DNAAF5: variants seen among roughly 807,000 people sequenced by gnomAD.
DNAAF5 encodes the protein HEAT repeat containing 2.
A neutral mutation model predicts 75.8 loss-of-function variants in DNAAF5; 64 were observed. That is an observed-to-expected ratio of 0.84 (90% CI 0.69 to 1.04). DNAAF5 has a LOEUF of 1.04. Among genes scored for constraint, DNAAF5 ranks in the 50% least tolerant of loss-of-function variants. DNAAF5 has a pLI of 0.00. For missense variants in DNAAF5, 1,269 were observed against 1,178.5 expected (o/e 1.08, Z -1.12); for synonymous variants, 657 against 557.2 (o/e 1.18, Z -2.52).
At chr7:776,311 G>C (rs964261898) in intron 11 of DNAAF5, among the ~76,000 whole-genome samples, 2 of 152,132 alleles carry the variant, frequency 1.3e-5, no homozygotes, top group East Asian at 3.8e-4. Flanking sequence ...ACTCCAGCCT[G>C]GGTGACAGAG....
intron 2 of DNAAF5, among the ~76,000 whole-genome samples, chr7:738,262 T>A (rs1011054968): frequency 6.6e-6 from 1 of 152,220 alleles, no homozygotes; most frequent in Non-Finnish European, 1.5e-5. Context: ...TTCTGCTTGA[T>A]GCTTTTTAAT....
chr7:750,539 A>C (rs1396109949), intron 4 of DNAAF5, among the ~76,000 whole-genome samples: 1 of 152,208 alleles, frequency 6.6e-6, no homozygotes, highest in East Asian at 1.9e-4. Flanking sequence ...CATAAGGAGC[A>C]CGTAACCCAG....
At chr7:780,683 G>A (rs561474781) in intron 12 of DNAAF5, among the ~76,000 whole-genome samples, 26 of 152,298 alleles carry the variant, frequency 1.7e-4, no homozygotes, top group African/African-American at 6.0e-4. Flanking sequence ...TCAATACCAC[G>A]CCAACAGCGA....
Position 741,456 on chromosome 7 carries a change from C to T in DNAAF5, c.1015C>T (p.Pro339Ser), listed in dbSNP as rs1186754208. The T allele has an allele frequency of 7.3e-6, 10 of 1,369,768 alleles. No individual in the cohort carries two copies. The highest frequency in any genetic ancestry group is 1.4e-5 in the African/African-American group (1 of 69,458). The allele number at this position is 1,369,768 out of a possible 1,614,324, so 84.9% of individuals were successfully genotyped here. ...TGCCCCTCCCACCCCACCCCATTAC[C>T]CTCCACATGGTGAGTGACCGCGGCA... ...DFAPPTPPHY[P>S]PHERRPVLGC... Residue 339 changes from proline to serine, a missense_variant, in exon 4 of 13, where the codon CCT (proline) becomes TCT (serine). Pro to Ser is a moderately conservative substitution (Grantham distance 74, BLOSUM62 -1). Transcript: ENST00000297440.
chr7:754,127 C>T lies in DNAAF5; in HGVS notation c.1025-462C>T, dbSNP rs1222875428. ...GTGTCTCTCTGATCATACACGTCAG[C>T]ACGTGTGGCAAGTGTGTTGTTTGCA... is the stretch of plus-strand genomic sequence containing the variant. On this transcript the variant is annotated intron_variant, in intron 4 of 12. Transcript: ENST00000297440. This position sits in a 1 kb window ranked among gnomAD's most constrained non-coding sequence, Gnocchi z 4.8. Among the ~76,000 whole-genome samples, 4 of 152,324 alleles carry T rather than the reference C, an allele frequency of 2.6e-5. No individual in the cohort carries two copies. The highest frequency in any genetic ancestry group is 4.4e-5 in the Non-Finnish European group (3 of 68,036).
At chr7:765,528 C>T (rs1782793037) in intron 8 of DNAAF5, among the ~76,000 whole-genome samples, 1 of 152,194 alleles carries the variant, frequency 6.6e-6, no homozygotes, top group African/African-American at 2.4e-5. Flanking sequence ...CTGGTGGCTT[C>T]TCCACCATCT....
rs753312815 is a variant in DNAAF5, at chr7:726,740, C to T, written c.20C>T (p.Ala7Val). Residue 7 changes from alanine to valine, a missense_variant, in exon 1 of 13, where the codon GCG (alanine) becomes GTG (valine). Transcript: ENST00000297440. MAALGVAEAVAAPHPAE... is the reference protein window; with the variant it reads MAALGVVEAVAAPHPAE... ...GGCAAGATGGCGGCGCTGGGGGTGG[C>T]GGAGGCCGTGGCGGCCCCACACCCG... 2.6e-5 allele frequency: 32 copies of T among 1,243,994 alleles called. No homozygotes were observed. The highest frequency in any genetic ancestry group is 3.0e-5 in the Non-Finnish European group (30 of 995,318). The allele number at this position is 1,243,994 out of a possible 1,614,324, so 77.1% of individuals were successfully genotyped here.
At chr7:765,713 T>C (rs1212913224) in intron 8 of DNAAF5, among the ~76,000 whole-genome samples, 1 of 152,214 alleles carries the variant, frequency 6.6e-6, no homozygotes, top group Non-Finnish European at 1.5e-5. Context: ...TTTTGTTTTT[T>C]GTTTTTTGAG....
chr7:779,252 C>T (rs1476421995), intron 11 of DNAAF5, among the ~76,000 whole-genome samples: 1 of 152,156 alleles, frequency 6.6e-6, no homozygotes, highest in Non-Finnish European at 1.5e-5. Context: ...GGCAGCCGCC[C>T]CTCCCAGCGT....
chr7:730,506 C>G (rs1007308862), intron 2 of DNAAF5, among the ~76,000 whole-genome samples: 1 of 152,188 alleles, frequency 6.6e-6, no homozygotes, highest in Non-Finnish European at 1.5e-5. Flanking sequence ...GTGCATGGTT[C>G]CAGGTTTCAG....
At position 763,889 on chromosome 7, in the gene DNAAF5, C is replaced by T. The variant is rs751993553; in HGVS notation, c.1698C>T (p.Leu566=). The T allele has an allele frequency of 3.1e-6, 5 of 1,612,992 alleles. No homozygotes were observed. Among genetic ancestry groups the T allele is most frequent in the Non-Finnish European group, 4.2e-6 (5 of 1,180,050 alleles). Residue 566 remains leucine (L), a synonymous_variant, in exon 8 of 13, where the codon CTC becomes CTT. Transcript: ENST00000297440. ...QDLYRKHIGP[L]LERVTASHLD... Reference sequence around the variant, plus strand: ...TCTACCGCAAGCACATTGGTCCCCTCCTGGAGCGGGTGACCGCGTCGCACC... The same window carrying T: ...TCTACCGCAAGCACATTGGTCCCCTTCTGGAGCGGGTGACCGCGTCGCACC...
At chr7:782,152 G>A (rs1482431894) in intron 12 of DNAAF5, among the ~76,000 whole-genome samples, 6 of 152,174 alleles carry the variant, frequency 3.9e-5, no homozygotes, top group African/African-American at 1.4e-4. Context: ...TCAGAAACTC[G>A]GATCTTCGCG....
At chr7:741,269 C>A in intron 3 of DNAAF5, 78 bp from the exon 4 acceptor site, 1 of 1,079,752 alleles carries the variant, frequency 9.3e-7, no homozygotes, top group South Asian at 1.4e-5. Flanking sequence ...CTTTGGGTGA[C>A]CCGTGTCCTG....
At chr7:764,091 G>A (rs1250344050) in intron 8 of DNAAF5, 117 bp downstream of exon 8, 17 of 1,159,104 alleles carry the variant, frequency 1.5e-5, no homozygotes, top group East Asian at 1.4e-4. Context: ...TCACTGAAGC[G>A]TGTTGTTAAA....
intron 10 of DNAAF5, among the ~76,000 whole-genome samples, chr7:774,457 C>T (rs1425873200): frequency 6.6e-6 from 1 of 152,192 alleles, no homozygotes; most frequent in African/African-American, 2.4e-5. Flanking sequence ...GGTTTTGCAG[C>T]CGCTCATGAG....
At position 754,921 on chromosome 7, in the gene DNAAF5, C is replaced by T. The variant is rs777997028; in HGVS notation, c.1257+100C>T. The T allele has an allele frequency of 8.9e-5, 80 of 899,632 alleles. No homozygotes were observed. The highest frequency in any genetic ancestry group is 6.9e-4 in the Middle Eastern group (2 of 2,896). 55.7% of individuals were successfully genotyped at this position (899,632 alleles called of 1,614,324 possible). On this transcript the variant is annotated intron_variant, in intron 5 of 12. Coordinates refer to ENST00000297440, the MANE Select transcript of DNAAF5 (RefSeq NM_017802.4). This position sits in a 1 kb window ranked among gnomAD's most constrained non-coding sequence, Gnocchi z 4.8. ...GCCCGAGGCTGTACTGTAGCCAAGA[C>T]AGCGTTCCCCTCACCCCCGGGCCGC...
chr7:749,004 G>A (rs1182273700), intron 4 of DNAAF5, among the ~76,000 whole-genome samples: 1 of 152,192 alleles, frequency 6.6e-6, no homozygotes, highest in Admixed American at 6.5e-5. Context: ...AAGAAAATAA[G>A]GTACACACCA....
chr7:751,626 T>C (rs1782298160), intron 4 of DNAAF5, among the ~76,000 whole-genome samples: 1 of 144,468 alleles, frequency 6.9e-6, no homozygotes, highest in Admixed American at 7.3e-5. Flanking sequence ...CAGGCTGGAG[T>C]GCAGTGGTGT....
chr7:758,158 G>T (rs1782545890), intron 6 of DNAAF5, among the ~76,000 whole-genome samples: 1 of 152,228 alleles, frequency 6.6e-6, no homozygotes, highest in Non-Finnish European at 1.5e-5. Context: ...ATGTGTGTCA[G>T]TTCTCCACTT....
Sources: gnomAD v4.1 joint callset for allele counts (sites outside exome capture counted in the v4.1 genomes callset) on GRCh38, gnomAD v4.1.1 for gene constraint, Gnocchi (gnomAD v3.1) non-coding constraint, MANE v1.5 for transcripts, NCBI Gene and HGNC (gene_info 2026-07-23, HGNC 2026-07-21) for gene names.